Variants in MAP3K3 observed in about 807,000 individuals in gnomAD.
MAP3K3 encodes MAP/ERK kinase kinase 3.
Under a neutral mutation model 80.9 loss-of-function variants are expected in MAP3K3, and 12 were observed. The observed-to-expected ratio is 0.15, with a 90% CI of 0.10 to 0.24. MAP3K3 has a LOEUF of 0.24. MAP3K3 is among the 10% of genes least tolerant of loss of function. The pLI, the probability that MAP3K3 is intolerant of heterozygous loss-of-function variation, is 1.00. For missense variants in MAP3K3, 596 were observed against 834.7 expected (o/e 0.71, Z 3.52); for synonymous variants, 272 against 307.1 (o/e 0.89, Z 1.19).
chr17:63,657,046 T>A (rs1430431795), intron 4 of MAP3K3, among the ~76,000 whole-genome samples: 1 of 152,148 alleles, frequency 6.6e-6, no homozygotes, highest in African/African-American at 2.4e-5. Flanking sequence ...AACAGAAAGA[T>A]AATTAAACCG....
intron 6 of MAP3K3, among the ~76,000 whole-genome samples, chr17:63,680,272 G>C (rs1443391062): frequency 1.3e-5 from 2 of 152,188 alleles, no homozygotes; most frequent in African/African-American, 4.8e-5. Context: ...GGTCGTGGGA[G>C]AGAGGTAAGG....
chr17:63,674,655 A>G (rs944225370), intron 6 of MAP3K3, among the ~76,000 whole-genome samples: 2 of 152,052 alleles, frequency 1.3e-5, no homozygotes, highest in Non-Finnish European at 2.9e-5. Flanking sequence ...CCAGCCCAGG[A>G]TGTTCTTAGG....
intron 1 of MAP3K3, among the ~76,000 whole-genome samples, chr17:63,623,887 C>T (rs969592716): frequency 6.6e-6 from 1 of 152,208 alleles, no homozygotes; most frequent in Non-Finnish European, 1.5e-5. Flanking sequence ...TTGCCTTGCC[C>T]TATAGCAAGG....
chr17:63,623,988 G>A (rs1445772270), intron 1 of MAP3K3, among the ~76,000 whole-genome samples: 3 of 152,188 alleles, frequency 2.0e-5, no homozygotes, highest in Non-Finnish European at 4.4e-5. Context: ...GGCTTTGAAT[G>A]AATTGCCTTG....
chr17:63,681,820 A>C lies in MAP3K3; in HGVS notation c.557A>C (p.Gln186Pro). The change falls in exon 7 of 16, where the codon CAG becomes CCG. Residue 186 changes from glutamine (Q) to proline (P), a missense_variant. Transcript: ENST00000361733. ...CCCCCTGGCTATGTTCCTGAGCGGC[A>C]GCAGCACATTGCCCGGCAGGGGTCC... ...SPPPGYVPERQQHIARQGSYT... is the reference protein window; with the variant it reads ...SPPPGYVPERPQHIARQGSYT... 6.4e-7 allele frequency: 1 copy of C among 1,550,920 alleles called. No homozygotes were observed. Among genetic ancestry groups the C allele is most frequent in the Non-Finnish European group, 8.7e-7 (1 of 1,144,682 alleles).
intron 2 of MAP3K3, 70 bp from the exon 3 acceptor site, chr17:63,645,964 C>A: frequency 7.8e-7 from 1 of 1,280,266 alleles, no homozygotes; most frequent in Non-Finnish European, 1.1e-6. Context: ...CTGCCCAAGG[C>A]TTACTTGGCA....
intron 1 of MAP3K3, among the ~76,000 whole-genome samples, chr17:63,626,959 A>G (rs1195329408): frequency 6.6e-6 from 1 of 152,222 alleles, no homozygotes; most frequent in Non-Finnish European, 1.5e-5. Context: ...CGGGATAACA[A>G]TGTTTATTAG....
chr17:63,658,432 A>G (rs1302577090), intron 5 of MAP3K3, among the ~76,000 whole-genome samples: 2 of 152,196 alleles, frequency 1.3e-5, no homozygotes, highest in Non-Finnish European at 2.9e-5. Flanking sequence ...AATGGCAGGC[A>G]GTCTGTAGGG....
chr17:63,646,749 A>G (rs563476085), intron 3 of MAP3K3, among the ~76,000 whole-genome samples: 2 of 152,276 alleles, frequency 1.3e-5, no homozygotes, highest in East Asian at 1.9e-4. Context: ...TTCTCAGTAG[A>G]AAAAATGTGA....
chr17:63,644,376 G>C (rs1397579105), intron 2 of MAP3K3, among the ~76,000 whole-genome samples: 1 of 152,024 alleles, frequency 6.6e-6, no homozygotes, highest in East Asian at 1.9e-4. Context: ...CATTACTCAC[G>C]GCACACTTTT....
intron 5 of MAP3K3, among the ~76,000 whole-genome samples, chr17:63,661,062 C>G (rs1209126977): frequency 6.6e-6 from 1 of 152,190 alleles, no homozygotes; most frequent in Non-Finnish European, 1.5e-5. Flanking sequence ...ACAGAACTAT[C>G]TCTTTTTTTT....
At chr17:63,653,909 C>G (rs942345852) in intron 4 of MAP3K3, among the ~76,000 whole-genome samples, 2 of 152,178 alleles carry the variant, frequency 1.3e-5, no homozygotes, top group Non-Finnish European at 2.9e-5. Flanking sequence ...CTCTGTCGCC[C>G]ATGCTGGAGT....
At position 63,695,738 on chromosome 17, in the gene MAP3K3, T is replaced by TA. The variant is rs1344122315; in HGVS notation, c.*1962dup. The TA allele has an allele frequency of 1.3e-5, 2 of 152,694 alleles. No homozygotes were observed. Among genetic ancestry groups the TA allele is most frequent in the East Asian group, 3.9e-4 (2 of 5,182 alleles). The allele number at this position is 152,694 out of a possible 1,614,324, so 9.5% of individuals were successfully genotyped here. On this transcript the variant is annotated 3_prime_UTR_variant, in exon 16 of 16. Transcript: ENST00000361733. This position sits in a 1 kb window ranked among gnomAD's most constrained non-coding sequence, Gnocchi z 4.1. Reference sequence around the variant, plus strand: ...ACTGTGCGTCCCAGGTTCAGGGTCTTACAGAGCTCCACCCCCTGGGGTCTT... The same window carrying TA: ...ACTGTGCGTCCCAGGTTCAGGGTCTTAACAGAGCTCCACCCCCTGGGGTCTT...
At chr17:63,685,650 G>A in intron 8 of MAP3K3, 60 bp downstream of exon 8, 1 of 1,399,236 alleles carries the variant, frequency 7.1e-7, no homozygotes, top group Non-Finnish European at 1.0e-6. Flanking sequence ...TTGATGGGTT[G>A]AGGAAGAAGA....
chr17:63,690,555 A>C (rs2035564505), intron 12 of MAP3K3, 143 bp downstream of exon 12: 2 of 885,972 alleles, frequency 2.3e-6, no homozygotes, highest in Non-Finnish European at 3.4e-6. Flanking sequence ...TCCTGGTCCC[A>C]GCCACAGGGT....
intron 1 of MAP3K3, among the ~76,000 whole-genome samples, chr17:63,632,334 A>G (rs2034233119): frequency 6.6e-6 from 1 of 152,138 alleles, no homozygotes; most frequent in Admixed American, 6.5e-5. Flanking sequence ...TCTACAAAAA[A>G]TAAAAAAATC....
At chr17:63,688,255 A>C in intron 8 of MAP3K3, 1 of 518,788 alleles carries the variant, frequency 1.9e-6, no homozygotes, top group Non-Finnish European at 3.5e-6. Context: ...GGTGGGAAGA[A>C]AGGCCAAGGA....
At chr17:63,671,712 T>G (rs1357361143) in intron 6 of MAP3K3, among the ~76,000 whole-genome samples, 4 of 152,204 alleles carry the variant, frequency 2.6e-5, no homozygotes, top group Non-Finnish European at 5.9e-5. Context: ...AAAATTTCTT[T>G]TTTCCTCCAC....
At chr17:63,672,406 G>A (rs796715308) in intron 6 of MAP3K3, among the ~76,000 whole-genome samples, 6 of 152,198 alleles carry the variant, frequency 3.9e-5, no homozygotes, top group African/African-American at 1.2e-4. Context: ...CAGGAATACT[G>A]GAAGAGAGCC....
Sources: allele counts gnomAD v4.1 joint callset (sites outside exome capture counted in the v4.1 genomes callset), GRCh38; gene constraint gnomAD v4.1.1; non-coding constraint Gnocchi (gnomAD v3.1); transcripts MANE v1.5; gene names NCBI Gene and HGNC (gene_info 2026-07-23, HGNC 2026-07-21).